The following ATXN7L1 variants were observed in gnomAD, a reference collection of about 807,000 sequenced individuals.
The protein encoded by ATXN7L1 is ataxin 7 like 1.
ATXN7L1 carries 15 observed loss-of-function variants against 70.8 expected under a neutral mutation model. The observed-to-expected ratio is 0.21, with a 90% CI of 0.14 to 0.33. ATXN7L1 has a LOEUF of 0.33. Among genes scored for constraint, ATXN7L1 ranks in the 10% least tolerant of loss-of-function variants. The probability of loss-of-function intolerance (pLI) is 1.00; values close to 1 mark genes in which losing one functional copy is unlikely to be tolerated. For missense variants in ATXN7L1, 975 were observed against 1,097.1 expected (o/e 0.89, Z 1.57); for synonymous variants, 440 against 445.1 (o/e 0.99, Z 0.14).
intron 3 of ATXN7L1, among the ~76,000 whole-genome samples, chr7:105,735,073 CT>C (rs1797233522): frequency 6.6e-6 from 1 of 152,224 alleles, no homozygotes; most frequent in African/African-American, 2.4e-5. Flanking sequence ...CACTTCTCCT[CT>C]GTGCATTCTC....
chr7:105,639,753 C>G (rs867683916), intron 5 of ATXN7L1, among the ~76,000 whole-genome samples, 184 bp from the exon 6 acceptor site: 1 of 152,154 alleles, frequency 6.6e-6, no homozygotes, highest in South Asian at 2.1e-4. Flanking sequence ...CAGAACCGCT[C>G]GGGGAAAATG....
At chr7:105,703,456 C>T (rs1792742404) in intron 3 of ATXN7L1, among the ~76,000 whole-genome samples, 1 of 152,140 alleles carries the variant, frequency 6.6e-6, no homozygotes, top group Admixed American at 6.5e-5. Flanking sequence ...GAGCCACATT[C>T]CAAATGTGGC....
intron 2 of ATXN7L1, among the ~76,000 whole-genome samples, chr7:105,816,453 G>A (rs1809207048): frequency 6.6e-6 from 1 of 152,202 alleles, no homozygotes; most frequent in Non-Finnish European, 1.5e-5. Flanking sequence ...TTAGGGTGGA[G>A]GAGGAGAAAG....
At chr7:105,871,408 G>A (rs1368084445) in intron 2 of ATXN7L1, among the ~76,000 whole-genome samples, 1 of 152,128 alleles carries the variant, frequency 6.6e-6, no homozygotes, top group East Asian at 1.9e-4. Flanking sequence ...CCCAGGTGAT[G>A]ACAACATTCA....
chr7:105,658,570 G>C (rs949865951), intron 4 of ATXN7L1, among the ~76,000 whole-genome samples: 1 of 105,074 alleles, frequency 9.5e-6, no homozygotes, highest in Non-Finnish European at 1.8e-5. Flanking sequence ...TTGCTTTGTT[G>C]CCCAGGCTGG....
chr7:105,850,042 G>A (rs1310855164), intron 2 of ATXN7L1, among the ~76,000 whole-genome samples: 2 of 152,150 alleles, frequency 1.3e-5, no homozygotes, highest in East Asian at 1.9e-4. Context: ...GGATGTCTTA[G>A]AATCCACAGT....
chr7:105,822,060 C>T (rs1810239979), intron 2 of ATXN7L1, among the ~76,000 whole-genome samples: 1 of 152,226 alleles, frequency 6.6e-6, no homozygotes, highest in Non-Finnish European at 1.5e-5. Context: ...GAGCCCTTCC[C>T]TATACTTCAG....
At chr7:105,640,755 A>G (rs955868110) in intron 5 of ATXN7L1, among the ~76,000 whole-genome samples, 3 of 152,104 alleles carry the variant, frequency 2.0e-5, no homozygotes, top group African/African-American at 7.2e-5. Flanking sequence ...TCTCTTAAGG[A>G]TCTTTTGGGC....
At chr7:105,734,746 C>G (rs940957425) in intron 3 of ATXN7L1, among the ~76,000 whole-genome samples, 2 of 151,666 alleles carry the variant, frequency 1.3e-5, no homozygotes, top group Admixed American at 6.6e-5. Context: ...TTGACCAGAC[C>G]AGGCCCTATT....
intron 5 of ATXN7L1, among the ~76,000 whole-genome samples, chr7:105,641,710 G>C (rs758690258): frequency 1.3e-5 from 2 of 152,246 alleles, no homozygotes; most frequent in Non-Finnish European, 2.9e-5. Context: ...GCTCCCGCCC[G>C]AACTGTGAGG....
rs1166741852 is a variant in ATXN7L1 at position 105,727,785 on chromosome 7, CAT to C, written c.355+60817_355+60818del. ...ATATATATATATATATATACACACA[CAT>C]ACACACATATATATATGTATATATG... On this transcript the variant is annotated intron_variant, in intron 3 of 11. Coordinates refer to ENST00000419735, the MANE Select transcript of ATXN7L1 (RefSeq NM_020725.2). 1.7e-3 allele frequency among the ~76,000 whole-genome samples: 95 copies of C among 54,890 alleles called. 1 individual carries two copies. The highest frequency in any genetic ancestry group is 7.6e-3 in the African/African-American group (88 of 11,548). 36.0% of individuals were successfully genotyped at this position (54,890 alleles called of 152,430 possible).
intron 2 of ATXN7L1, among the ~76,000 whole-genome samples, chr7:105,842,845 C>T (rs1038769645): frequency 3.9e-5 from 6 of 152,140 alleles, no homozygotes; most frequent in Non-Finnish European, 8.8e-5. Context: ...CCACAATCCT[C>T]GCCAACACTT....
intron 3 of ATXN7L1, among the ~76,000 whole-genome samples, chr7:105,697,805 A>T (rs1791936613): frequency 6.6e-6 from 1 of 152,242 alleles, no homozygotes; most frequent in South Asian, 2.1e-4. Context: ...AAATCTTCAC[A>T]ATCCACGTTC....
At chr7:105,770,600 T>C (rs1158735399) in intron 3 of ATXN7L1, among the ~76,000 whole-genome samples, 1 of 151,936 alleles carries the variant, frequency 6.6e-6, no homozygotes, top group Non-Finnish European at 1.5e-5. Context: ...GCAGAGGAAA[T>C]GGGGGTGGAG....
intron 2 of ATXN7L1, among the ~76,000 whole-genome samples, chr7:105,872,896 T>C (rs1235813274): frequency 6.6e-6 from 1 of 151,336 alleles, no homozygotes; most frequent in Non-Finnish European, 1.5e-5. Context: ...GGCTCATGCC[T>C]GTAATCCCAG....
intron 3 of ATXN7L1, among the ~76,000 whole-genome samples, chr7:105,681,860 G>A (rs1562998414): frequency 1.3e-5 from 2 of 152,164 alleles, no homozygotes; most frequent in Non-Finnish European, 2.9e-5. Flanking sequence ...GCGGTTGTCA[G>A]GGATTGCAAG....
intron 4 of ATXN7L1, among the ~76,000 whole-genome samples, chr7:105,660,596 T>G (rs1326412211): frequency 1.4e-5 from 2 of 145,176 alleles, no homozygotes; most frequent in Non-Finnish European, 3.0e-5. Context: ...TTTTTTTTTT[T>G]TTTTGAGACA....
chr7:105,800,679 G>A (rs1806682570), intron 2 of ATXN7L1, among the ~76,000 whole-genome samples: 1 of 152,200 alleles, frequency 6.6e-6, no homozygotes, highest in African/African-American at 2.4e-5. Context: ...GTGGGGTAGT[G>A]GAATGAGCAA....
At chr7:105,807,282 T>C (rs1208324216) in intron 2 of ATXN7L1, among the ~76,000 whole-genome samples, 10 of 152,234 alleles carry the variant, frequency 6.6e-5, no homozygotes, top group Non-Finnish European at 1.5e-5. Context: ...ACCCAGGCTT[T>C]AGAAAAGTCA....
Sources: gnomAD v4.1 joint callset for allele counts (sites outside exome capture counted in the v4.1 genomes callset) on GRCh38, gnomAD v4.1.1 for gene constraint, MANE v1.5 for transcripts, NCBI Gene and HGNC (gene_info 2026-07-23, HGNC 2026-07-21) for gene names.